The following TOX variants were observed in gnomAD, a reference collection of about 807,000 sequenced individuals.
The protein encoded by TOX is thymocyte selection associated high mobility group box.
TOX carries 11 observed loss-of-function variants against 53.7 expected under a neutral mutation model. The observed-to-expected ratio is 0.20, with a 90% CI of 0.13 to 0.34. The LOEUF (loss-of-function observed/expected upper bound fraction) is 0.34. Ranked by LOEUF, TOX falls within the 10% of genes least tolerant of loss-of-function variation. The pLI is 1.00. For synonymous variants in TOX, 225 were observed against 245.3 expected, an observed-to-expected ratio of 0.92 and a Z score of 0.77; for missense variants, 570 against 664.6, an observed-to-expected ratio of 0.86 and a Z score of 1.56.
chr8:58,913,184 C>T (rs1811934188), intron 3 of TOX, among the ~76,000 whole-genome samples: 1 of 152,170 alleles, frequency 6.6e-6, no homozygotes, highest in Non-Finnish European at 1.5e-5. Context: ...TATTTGGTGG[C>T]TCATGCCTGT....
At chr8:58,918,848 T>C (rs201401581) in intron 3 of TOX, among the ~76,000 whole-genome samples, 9,708 of 148,022 alleles carry the variant, frequency 0.066, 397 homozygotes, top group East Asian at 0.2. Flanking sequence ...ATAAGCAACT[T>C]CAGCAAAGTC....
At position 58,806,933 on chromosome 8, in the gene TOX, C is replaced by CTAA. The variant is rs1194718219; in HGVS notation, c.*811_*813dup. 6.6e-6 allele frequency: 1 copy of CTAA among 152,546 alleles called. No homozygotes were observed. Among genetic ancestry groups the CTAA allele is most frequent in the Admixed American group, 6.5e-5 (1 of 15,268 alleles). 9.4% of individuals were successfully genotyped at this position (152,546 alleles called of 1,614,324 possible). On this transcript the variant is annotated 3_prime_UTR_variant, in exon 9 of 9. Coordinates refer to ENST00000361421, the MANE Select transcript of TOX (RefSeq NM_014729.3). ...AGCTGTTTCCAATCTGTTTCTGCAT[C>CTAA]TAATAAAATACCAGGTAAGCATTTG...
chr8:58,844,357 A>G (rs1277208564), intron 4 of TOX, among the ~76,000 whole-genome samples: 5 of 152,204 alleles, frequency 3.3e-5, no homozygotes, highest in Non-Finnish European at 7.4e-5. Flanking sequence ...ATTAGACAGC[A>G]CAGTATTTTG....
At chr8:58,902,804 C>T (rs1811752740) in intron 3 of TOX, among the ~76,000 whole-genome samples, 1 of 152,184 alleles carries the variant, frequency 6.6e-6, no homozygotes, top group South Asian at 2.1e-4. Flanking sequence ...TTACAAAATG[C>T]TGAATATCCT....
intron 6 of TOX, among the ~76,000 whole-genome samples, chr8:58,818,009 A>G (rs1810209787): frequency 6.6e-6 from 1 of 152,204 alleles, no homozygotes; most frequent in Admixed American, 6.5e-5. Flanking sequence ...GTGGTCCATC[A>G]TATAGAGAGA....
At chr8:58,962,463 T>A (rs1273635516) in intron 1 of TOX, among the ~76,000 whole-genome samples, 2 of 152,208 alleles carry the variant, frequency 1.3e-5, no homozygotes, top group African/African-American at 4.8e-5. Flanking sequence ...TTAAGCTAGA[T>A]GCTTCAAGCT....
chr8:58,972,932 C>T (rs903156951), intron 1 of TOX, among the ~76,000 whole-genome samples: 1 of 152,108 alleles, frequency 6.6e-6, no homozygotes, highest in African/African-American at 2.4e-5. Flanking sequence ...TTTAAATAAA[C>T]GAGTCTTGTT....
chr8:58,971,436 G>A (rs1294016458), intron 1 of TOX, among the ~76,000 whole-genome samples: 1 of 152,206 alleles, frequency 6.6e-6, no homozygotes, highest in Non-Finnish European at 1.5e-5. Context: ...TCTTGGGAAC[G>A]AGAGTAAAAA....
chr8:59,031,488 GAACA>G (rs1814354738), intron 1 of TOX, among the ~76,000 whole-genome samples: 1 of 152,132 alleles, frequency 6.6e-6, no homozygotes, highest in African/African-American at 2.4e-5. Flanking sequence ...ATAAATTAGG[GAACA>G]AAAAGATGGG....
intron 2 of TOX, among the ~76,000 whole-genome samples, chr8:58,953,683 G>T (rs566078667): frequency 6.6e-6 from 1 of 152,144 alleles, no homozygotes; most frequent in Non-Finnish European, 1.5e-5. Context: ...GGGCTAACTC[G>T]ATTACTCAGA....
At chr8:59,047,858 A>G (rs928905784) in intron 1 of TOX, among the ~76,000 whole-genome samples, 16 of 152,350 alleles carry the variant, frequency 1.1e-4, no homozygotes, top group Admixed American at 3.9e-4. Context: ...TGCATTATGA[A>G]TAAAGAATAT....
At chr8:58,937,921 C>T (rs1812373767) in intron 3 of TOX, among the ~76,000 whole-genome samples, 1 of 152,218 alleles carries the variant, frequency 6.6e-6, no homozygotes, top group Admixed American at 6.5e-5. Context: ...AAGGTGACTA[C>T]ACTGAAATAC....
intron 1 of TOX, among the ~76,000 whole-genome samples, chr8:59,106,314 A>G (rs764590328): frequency 5.0e-4 from 64 of 128,606 alleles, no homozygotes; most frequent in African/African-American, 1.1e-3. Context: ...TTTAGGGGGG[A>G]AAAAAAAAGA....
chr8:58,892,918 T>G lies in TOX; in HGVS notation c.412-41113A>C, dbSNP rs185812773. Among the ~76,000 whole-genome samples, 232 of 152,252 alleles carry G rather than the reference T, an allele frequency of 1.5e-3. 1 individual carries two copies. Among genetic ancestry groups the G allele is most frequent in the African/African-American group, 5.3e-3 (220 of 41,552 alleles). On this transcript the variant is annotated intron_variant, in intron 3 of 8. Transcript: ENST00000361421. The stretch of plus-strand genomic sequence containing the variant: ...GGATTACATATTAAAATAACAAAGA[T>G]GCAGGCAACAATATTATAAAATGCT...
chr8:59,021,975 G>T (rs1814144729), intron 1 of TOX, among the ~76,000 whole-genome samples: 1 of 152,102 alleles, frequency 6.6e-6, no homozygotes. Flanking sequence ...AAGTCTACAT[G>T]TAATGTTATT....
intron 3 of TOX, among the ~76,000 whole-genome samples, chr8:58,901,444 A>G (rs145945296): frequency 0.012 from 1,797 of 152,270 alleles, 28 homozygotes; most frequent in Non-Finnish European, 0.019. Flanking sequence ...AGGTGAAGAG[A>G]ATAAATGCCT....
chr8:59,014,835 G>A (rs1813979221), intron 1 of TOX, among the ~76,000 whole-genome samples: 2 of 152,158 alleles, frequency 1.3e-5, no homozygotes, highest in African/African-American at 4.8e-5. Flanking sequence ...AAACATGAGA[G>A]AAATTAGTAA....
At chr8:58,810,157 AATTTATTT>A (rs533806943) in intron 7 of TOX, among the ~76,000 whole-genome samples, 2 of 151,518 alleles carry the variant, frequency 1.3e-5, no homozygotes, top group African/African-American at 2.4e-5. Context: ...GGCTAATTTA[AATTTATTT>A]ATTTATTTAT....
intron 1 of TOX, among the ~76,000 whole-genome samples, chr8:59,067,444 C>A (rs932869058): frequency 6.6e-6 from 1 of 152,044 alleles, no homozygotes; most frequent in Non-Finnish European, 1.5e-5. Context: ...ATCCCAGCTA[C>A]TTGGGGGGCT....
Sources: allele counts gnomAD v4.1 joint callset (sites outside exome capture counted in the v4.1 genomes callset), GRCh38; gene constraint gnomAD v4.1.1; transcripts MANE v1.5; gene names NCBI Gene and HGNC (gene_info 2026-07-23, HGNC 2026-07-21).